CHN2: variants seen among roughly 807,000 people sequenced by gnomAD.
CHN2 encodes beta-chimaerin.
CHN2 carries 35 observed loss-of-function variants against 56.3 expected under a neutral mutation model. The ratio of observed to expected loss-of-function variants is 0.62; its 90% CI spans 0.47 to 0.82. CHN2 has a LOEUF of 0.82. Among genes scored for constraint, CHN2 ranks in the 40% least tolerant of loss-of-function variants. The probability of loss-of-function intolerance (pLI) is 0.00; values close to 1 mark genes in which losing one functional copy is unlikely to be tolerated. For missense variants in CHN2, 491 were observed against 580.5 expected, an observed-to-expected ratio of 0.85 and a Z score of 1.58; for synonymous variants, 210 against 212.8, an observed-to-expected ratio of 0.99 and a Z score of 0.12.
chr7:29,182,639 A>G (rs1297780013), intron 2 of CHN2, among the ~76,000 whole-genome samples: 1 of 152,186 alleles, frequency 6.6e-6, no homozygotes, highest in African/African-American at 2.4e-5. Context: ...AATTACGTAC[A>G]CTCATGTCTA....
At chr7:29,440,278 G>T (rs910318713) in intron 6 of CHN2, among the ~76,000 whole-genome samples, 1 of 152,172 alleles carries the variant, frequency 6.6e-6, no homozygotes, top group Non-Finnish European at 1.5e-5. Flanking sequence ...GATACAAAAT[G>T]TTTGTGCAAT....
chr7:29,457,570 T>C (rs180966320), intron 6 of CHN2, among the ~76,000 whole-genome samples: 1 of 152,164 alleles, frequency 6.6e-6, no homozygotes, highest in Non-Finnish European at 1.5e-5. Context: ...ACTATAATTA[T>C]ACCCACATGG....
chr7:29,244,330 A>G (rs1471869816), intron 1 of CHN2, among the ~76,000 whole-genome samples: 1 of 152,078 alleles, frequency 6.6e-6, no homozygotes, highest in African/African-American at 2.4e-5. Flanking sequence ...GAAGCATACA[A>G]TCCACCTCCC....
rs560165570 is a variant in CHN2 at position 29,320,705 on chromosome 7, C to T, written c.50-33920C>T. Among the ~76,000 whole-genome samples the T allele has an allele frequency of 9.9e-5, 15 of 152,210 alleles. No individual in the cohort carries two copies. In the East Asian group the frequency reaches 2.7e-3, roughly 27 times the overall value. ...CGTCACCCACACTAGATGCCTATTT[C>T]CCTGGGGTTCTGTCCTTGCATGCTT... On this transcript the variant is annotated intron_variant, in intron 1 of 12. Coordinates refer to ENST00000222792, the MANE Select transcript of CHN2 (RefSeq NM_004067.4).
At chr7:29,463,732 T>C (rs1785350051) in intron 6 of CHN2, among the ~76,000 whole-genome samples, 1 of 152,116 alleles carries the variant, frequency 6.6e-6, no homozygotes, top group African/African-American at 2.4e-5. Flanking sequence ...AATGCTGGGA[T>C]TCAGATGACA....
chr7:29,187,987 A>G (rs1410982514), intron 2 of CHN2, among the ~76,000 whole-genome samples: 2 of 152,224 alleles, frequency 1.3e-5, no homozygotes, highest in Non-Finnish European at 2.9e-5. Context: ...TTAGGATTTG[A>G]ACTCAGATTT....
intron 1 of CHN2, among the ~76,000 whole-genome samples, chr7:29,205,825 A>T (rs1396260632): frequency 6.6e-6 from 1 of 152,206 alleles, no homozygotes; most frequent in Non-Finnish European, 1.5e-5. Context: ...ATGTAAAAAA[A>T]AATTATACAC....
At chr7:29,425,361 G>A (rs535607601) in intron 6 of CHN2, among the ~76,000 whole-genome samples, 20 of 152,336 alleles carry the variant, frequency 1.3e-4, no homozygotes, top group East Asian at 3.9e-4. Flanking sequence ...GAGGAGACAC[G>A]GAGCAGACCC....
intron 2 of CHN2, among the ~76,000 whole-genome samples, chr7:29,177,135 T>C (rs1193461782): frequency 6.6e-6 from 1 of 152,200 alleles, no homozygotes; most frequent in Non-Finnish European, 1.5e-5. Context: ...CACTAAAAAA[T>C]TTACTCACTG....
At chr7:29,347,835 A>T (rs1276320189) in intron 1 of CHN2, among the ~76,000 whole-genome samples, 1 of 152,246 alleles carries the variant, frequency 6.6e-6, no homozygotes, top group Admixed American at 6.5e-5. Context: ...AATAACATAG[A>T]TCTATGTGCG....
chr7:29,200,098 A>T (rs1394321378), intron 1 of CHN2: 1 of 152,220 alleles, frequency 6.6e-6, no homozygotes, highest in Non-Finnish European at 1.5e-5. Flanking sequence ...GTTTTGGAAG[A>T]GTTTTCTGCC....
chr7:29,303,134 TC>T (rs1215086056), intron 1 of CHN2, among the ~76,000 whole-genome samples: 6 of 152,298 alleles, frequency 3.9e-5, no homozygotes, highest in Non-Finnish European at 5.9e-5. Flanking sequence ...TGTTTCCCTG[TC>T]CCCAGTCATT....
chr7:29,372,809 T>C (rs1313342611), intron 3 of CHN2, among the ~76,000 whole-genome samples: 1 of 152,228 alleles, frequency 6.6e-6, no homozygotes, highest in Non-Finnish European at 1.5e-5. Context: ...AAGGCCAAAA[T>C]GGCAAGATTT....
At chr7:29,452,351 T>G (rs1224418895) in intron 6 of CHN2, among the ~76,000 whole-genome samples, 1 of 152,124 alleles carries the variant, frequency 6.6e-6, no homozygotes, top group Admixed American at 6.5e-5. Context: ...AGCGCAAAAG[T>G]TAAGGAGGCC....
chr7:29,233,729 A>G (rs979751621), intron 1 of CHN2, among the ~76,000 whole-genome samples: 18 of 151,460 alleles, frequency 1.2e-4, no homozygotes, highest in Non-Finnish European at 2.1e-4. Flanking sequence ...GGAGACCACC[A>G]GCCCAGGACT....
intron 1 of CHN2, among the ~76,000 whole-genome samples, chr7:29,272,453 C>A (rs1425812341): frequency 6.6e-6 from 1 of 152,088 alleles, no homozygotes; most frequent in Admixed American, 6.5e-5. Context: ...ACAATTCAGT[C>A]ATATAGATTT....
intron 1 of CHN2, among the ~76,000 whole-genome samples, chr7:29,349,152 T>A (rs1260449638): frequency 6.6e-6 from 1 of 152,198 alleles, no homozygotes; most frequent in African/African-American, 2.4e-5. Flanking sequence ...ACGCCCACCC[T>A]TCAGTAGGAA....
At chr7:29,334,218 C>A (rs563308611) in intron 1 of CHN2, among the ~76,000 whole-genome samples, 25 of 151,618 alleles carry the variant, frequency 1.6e-4, no homozygotes, top group Non-Finnish European at 3.1e-4. Context: ...GCCCAGCTAA[C>A]GTTTGTATTT....
chr7:29,195,629 A>AGT (rs70980513), intron 1 of CHN2, among the ~76,000 whole-genome samples: 1,798 of 117,464 alleles, frequency 0.015, 18 homozygotes, highest in Non-Finnish European at 0.018. Context: ...AGAGAGAGAG[A>AGT]GTGTGTGTGT....
Sources: allele counts gnomAD v4.1 joint callset (sites outside exome capture counted in the v4.1 genomes callset), GRCh38; gene constraint gnomAD v4.1.1; transcripts MANE v1.5; gene names NCBI Gene and HGNC (gene_info 2026-07-23, HGNC 2026-07-21).